TRAPPC11: variants seen among roughly 807,000 people sequenced by gnomAD.
TRAPPC11 encodes the protein foie gras homolog.
TRAPPC11 carries 104 observed loss-of-function variants against 151.2 expected under a neutral mutation model. The ratio of observed to expected loss-of-function variants is 0.69; its 90% CI spans 0.59 to 0.81. The LOEUF (loss-of-function observed/expected upper bound fraction) is 0.81. TRAPPC11 is among the 30% of genes least tolerant of loss of function. The pLI, the probability that TRAPPC11 is intolerant of heterozygous loss-of-function variation, is 0.00. For missense variants in TRAPPC11, 1,230 were observed against 1,349.6 expected (o/e 0.91, Z 1.39); for synonymous variants, 456 against 472.3 (o/e 0.97, Z 0.45).
At chr4:183,664,124 G>A (rs930215533) in intron 2 of TRAPPC11, 53 bp downstream of exon 2, 4 of 1,468,834 alleles carry the variant, frequency 2.7e-6, no homozygotes, top group Non-Finnish European at 2.8e-6. Context: ...CTATGTGTGT[G>A]TGTGTGTCTT....
At position 183,686,548 on chromosome 4, in the gene TRAPPC11, G is replaced by A. The variant is rs560048936; in HGVS notation, c.1763-70G>A. On this transcript the variant is annotated intron_variant, in intron 17 of 29. Transcript: ENST00000334690. ...ATGTGTCTTTCTGAAGAATCAATTT[G>A]GTTAACAGGATGTGTGTGGGTCGTG... 3.2e-6 allele frequency: 5 copies of A among 1,560,134 alleles called. No individual in the cohort carries two copies. The East Asian group carries it at 1.1e-4, about 35-fold the overall frequency.
Position 183,691,324 on chromosome 4 carries a change from C to A in TRAPPC11, c.1902C>A (p.Asn634Lys). The A allele has an allele frequency of 6.6e-7, 1 of 1,513,652 alleles. No homozygotes were observed. Among genetic ancestry groups the A allele is most frequent in the East Asian group, 2.3e-5 (1 of 42,856 alleles). The allele number at this position is 1,513,652 out of a possible 1,614,324, so 93.8% of individuals were successfully genotyped here. A position where few individuals can be genotyped will look rare whatever the true frequency, so the allele number is the denominator to read the frequency against. ...CTGTTCACCTTTTTCAGGAATACAACCAGTTCTGTGTAATAGAAGAAGCAT... is the reference window on the plus strand; with the variant it reads ...CTGTTCACCTTTTTCAGGAATACAAACAGTTCTGTGTAATAGAAGAAGCAT... ...LCVSFNNQEYNQFCVIEEASK... is the reference protein window; with the variant it reads ...LCVSFNNQEYKQFCVIEEASK... The change falls in exon 19 of 30, where the codon AAC becomes AAA. Residue 634 changes from asparagine to lysine, a missense_variant. Coordinates refer to ENST00000334690, the MANE Select transcript of TRAPPC11 (RefSeq NM_021942.6).
chr4:183,668,192 AT>A, intron 5 of TRAPPC11, 75 bp downstream of exon 5: 2 of 790,580 alleles, frequency 2.5e-6, no homozygotes, highest in Non-Finnish European at 4.1e-6. Flanking sequence ...AGACCCATTT[AT>A]TTTTTTAAAA....
In TRAPPC11 at chr4:183,691,397, C is replaced by G; in HGVS notation, c.1975C>G (p.Leu659Val). Residue 659 changes from leucine to valine, a missense_variant, in exon 19 of 30, where the codon CTA becomes GTA. By Grantham distance (32) the Leu-to-Val change is conservative. Coordinates refer to ENST00000334690, the MANE Select transcript of TRAPPC11 (RefSeq NM_021942.6). ...AAATCTGACTCAAGGAAAGATGTGC[C>G]TAGTTCCTGGCAAAACAAGAAAACT... ...LENLTQGKMC[L>V]VPGKTRKLLF... 6.4e-7 allele frequency: 1 copy of G among 1,559,434 alleles called. No individual in the cohort carries two copies. Among genetic ancestry groups the G allele is most frequent in the South Asian group, 1.2e-5 (1 of 80,270 alleles).
At chr4:183,706,522 CAA>C (rs758266336) in intron 27 of TRAPPC11, among the ~76,000 whole-genome samples, 34 of 109,578 alleles carry the variant, frequency 3.1e-4, no homozygotes, top group Non-Finnish European at 3.1e-4. Flanking sequence ...GACTCCGCCT[CAA>C]AAAAAAAAAA....
At chr4:183,703,703 T>C (rs1425669425) in intron 26 of TRAPPC11, among the ~76,000 whole-genome samples, 3 of 152,230 alleles carry the variant, frequency 2.0e-5, no homozygotes, top group Non-Finnish European at 2.9e-5. Flanking sequence ...TTAGATGCTT[T>C]GCCTGTTGCT....
chr4:183,693,184 C>T (rs985863484), intron 20 of TRAPPC11, 37 bp downstream of exon 20: 1 of 1,521,758 alleles, frequency 6.6e-7, no homozygotes, highest in Non-Finnish European at 8.8e-7. Context: ...TAAAGGTCAT[C>T]CTCTTATTTC....
At chr4:183,675,027 T>C in intron 6 of TRAPPC11, 137 bp from the exon 7 acceptor site, 1 of 570,050 alleles carries the variant, frequency 1.8e-6, no homozygotes, top group African/African-American at 2.0e-5. Context: ...TAATTGTGCC[T>C]TTATTTGTGG....
chr4:183,686,454 A>G lies in TRAPPC11; in HGVS notation c.1763-164A>G, dbSNP rs77510011. On this transcript the variant is annotated intron_variant, in intron 17 of 29. Coordinates refer to ENST00000334690, the MANE Select transcript of TRAPPC11 (RefSeq NM_021942.6). ...GCTCAGCCTAAATTTTATTTTTATA[A>G]TAAAAAGTTAGCTCATTTGTCTCTT... Among the ~76,000 whole-genome samples the G allele has an allele frequency of 8.3e-3, 1,261 of 152,342 alleles. 25 individuals carry two copies. The highest frequency in any genetic ancestry group is 0.028 in the African/African-American group (1,174 of 41,580).
Position 183,684,303 on chromosome 4 carries a change from A to C in TRAPPC11, c.1367-2A>C. On this transcript the variant is annotated splice_acceptor_variant, in intron 13 of 29. Coordinates refer to ENST00000334690, the MANE Select transcript of TRAPPC11 (RefSeq NM_021942.6). LOFTEE classifies it high-confidence loss of function. ...ATACATAAATCTTTTTTTCCTTTAT[A>C]GTGGTTCAGATGGGAGAGGAATATT... 6.2e-7 allele frequency: 1 copy of C among 1,613,588 alleles called. No homozygotes were observed. The highest frequency in any genetic ancestry group is 2.2e-5 in the East Asian group (1 of 44,846).
intron 9 of TRAPPC11, among the ~76,000 whole-genome samples, 168 bp downstream of exon 9, chr4:183,679,654 AC>A (rs1334360707): frequency 6.6e-6 from 1 of 152,246 alleles, no homozygotes; most frequent in Non-Finnish European, 1.5e-5. Flanking sequence ...GATATTGTAT[AC>A]AGTTCCTTAA....
At chr4:183,675,342 C>A in intron 7 of TRAPPC11, 105 bp downstream of exon 7, 1 of 574,750 alleles carries the variant, frequency 1.7e-6, no homozygotes, top group Non-Finnish European at 2.8e-6. Context: ...TTAAAGTGTT[C>A]ATATTGCTTA....
At chr4:183,705,168 TTTTTCAGCATTTG>T in intron 27 of TRAPPC11, 98 bp downstream of exon 27, 1 of 847,206 alleles carries the variant, frequency 1.2e-6, no homozygotes, top group Non-Finnish European at 1.8e-6. Context: ...ATTTAGAAAG[TTTTTCAGCATTTG>T]TAAAAGTAGC....
Position 183,693,958 on chromosome 4 carries a change from C to A in TRAPPC11, c.2428C>A (p.His810Asn). 1 of 1,613,932 alleles carries A rather than the reference C, an allele frequency of 6.2e-7. No individual in the cohort carries two copies. The highest frequency in any genetic ancestry group is 8.5e-7 in the Non-Finnish European group (1 of 1,179,826). The change falls in exon 22 of 30, where the codon CAT becomes AAT. Residue 810 changes from histidine (H) to asparagine (N), a missense_variant. By Grantham distance (68) the His-to-Asn change is moderately conservative. Transcript: ENST00000334690. ...NLTQKTHVTLHGTELCDESYP... is the reference protein window; with the variant it reads ...NLTQKTHVTLNGTELCDESYP... The stretch of plus-strand genomic sequence containing the variant: ...AACTCAGAAGACTCACGTGACTCTT[C>A]ATGGAACAGAACTGTGTGATGAATC...
intron 18 of TRAPPC11, among the ~76,000 whole-genome samples, chr4:183,688,275 G>A (rs1436985382): frequency 2.0e-5 from 3 of 152,148 alleles, no homozygotes; most frequent in African/African-American, 7.2e-5. Context: ...AAAAAAGGGA[G>A]GGAGTTCCAA....
At chr4:183,678,647 A>C (rs1376763787) in intron 8 of TRAPPC11, among the ~76,000 whole-genome samples, 2 of 152,222 alleles carry the variant, frequency 1.3e-5, no homozygotes, top group Non-Finnish European at 2.9e-5. Context: ...AAAGGCATAC[A>C]CATACTTATC....
At chr4:183,666,535 G>A (rs892151970) in intron 3 of TRAPPC11, 109 bp downstream of exon 3, 22 of 1,090,200 alleles carry the variant, frequency 2.0e-5, no homozygotes, top group African/African-American at 1.1e-4. Flanking sequence ...GTCACTTTGC[G>A]GATTGACCTC....
In TRAPPC11 at chr4:183,663,993, A is replaced by T. The variant is rs753631615; in HGVS notation, c.126A>T (p.Ala42=). The part of the protein sequence containing the change: ...VHRAVWDAFC[A]NRRADRVPIS... The stretch of plus-strand genomic sequence containing the variant: ...GAGCTGTCTGGGACGCCTTCTGTGC[A>T]AATCGGAGAGCTGATCGAGTACCAA... Residue 42 remains alanine (A), a synonymous_variant, in exon 2 of 30, where the codon GCA becomes GCT. Coordinates refer to ENST00000334690, the MANE Select transcript of TRAPPC11 (RefSeq NM_021942.6). 3.1e-6 allele frequency: 5 copies of T among 1,613,980 alleles called. No individual in the cohort carries two copies.
chr4:183,672,946 C>T (rs892302977), intron 5 of TRAPPC11, among the ~76,000 whole-genome samples: 6 of 150,696 alleles, frequency 4.0e-5, no homozygotes, highest in Admixed American at 1.3e-4. Flanking sequence ...TGCCTTGTTG[C>T]TACCCGTTCG....
Sources: gnomAD v4.1 joint callset for allele counts (sites outside exome capture counted in the v4.1 genomes callset) on GRCh38, gnomAD v4.1.1 for gene constraint, MANE v1.5 for transcripts, NCBI Gene and HGNC (gene_info 2026-07-23, HGNC 2026-07-21) for gene names.